LNPEP: variants seen among roughly 807,000 people sequenced by gnomAD.
LNPEP encodes leucyl-cystinyl aminopeptidase.
A neutral mutation model predicts 120.6 loss-of-function variants in LNPEP; 64 were observed. That is an observed-to-expected ratio of 0.53 (90% CI 0.43 to 0.65). The LOEUF (loss-of-function observed/expected upper bound fraction) is 0.65, where lower values mean the gene tolerates loss of function less well. LNPEP is among the 30% of genes least tolerant of loss of function. LNPEP has a pLI of 0.00. For synonymous variants in LNPEP, 435 were observed against 425.4 expected (o/e 1.02, Z -0.28); for missense variants, 1,057 against 1,200.0 (o/e 0.88, Z 1.76).
chr5:96,999,941 C>T (rs1363320265), intron 8 of LNPEP, among the ~76,000 whole-genome samples: 2 of 151,870 alleles, frequency 1.3e-5, no homozygotes, highest in Admixed American at 1.3e-4. Flanking sequence ...AAGCCTAATT[C>T]TGATGCAGGT....
At chr5:97,003,300 C>A in intron 8 of LNPEP, 115 bp from the exon 9 acceptor site, 1 of 602,506 alleles carries the variant, frequency 1.7e-6, no homozygotes, top group Admixed American at 3.3e-5. Flanking sequence ...TAACTAAGTT[C>A]TACATATGAA....
intron 6 of LNPEP, among the ~76,000 whole-genome samples, chr5:96,994,565 GGAGA>G (rs1354945520): frequency 1.3e-5 from 2 of 151,844 alleles, no homozygotes; most frequent in East Asian, 3.9e-4. Context: ...TGTATGACAT[GGAGA>G]GAAAGAAAGA....
At chr5:96,992,441 G>T (rs1790411166) in intron 4 of LNPEP, among the ~76,000 whole-genome samples, 1 of 152,170 alleles carries the variant, frequency 6.6e-6, no homozygotes, top group African/African-American at 2.4e-5. Context: ...TACTGGAAGA[G>T]AATATGTTGG....
At chr5:96,963,451 A>G (rs955179311) in intron 1 of LNPEP, among the ~76,000 whole-genome samples, 1 of 152,162 alleles carries the variant, frequency 6.6e-6, no homozygotes, top group Admixed American at 6.6e-5. Flanking sequence ...GGATGGTCTA[A>G]GATAGTTTCA....
At chr5:96,999,369 T>C (rs1367125192) in intron 8 of LNPEP, among the ~76,000 whole-genome samples, 2 of 152,128 alleles carry the variant, frequency 1.3e-5, no homozygotes, top group Non-Finnish European at 2.9e-5. Context: ...AAAGTATTAG[T>C]GACAGGGTAA....
At chr5:97,022,569 A>G in intron 14 of LNPEP, 85 bp downstream of exon 14, 1 of 1,104,846 alleles carries the variant, frequency 9.1e-7, no homozygotes, top group Non-Finnish European at 1.3e-6. Context: ...CTCATCCTGG[A>G]TCATAAATGT....
At position 97,014,998 on chromosome 5, in the gene LNPEP, A is replaced by G; in HGVS notation, c.2279A>G (p.Asn760Ser). ...TTGATTAATTATCTTGGAAATGAGA[A>G]CCATACTGCACCCATCACCGAAGCC... is the stretch of plus-strand genomic sequence containing the variant. ...FDLINYLGNENHTAPITEALF... is the reference protein window; with the variant it reads ...FDLINYLGNESHTAPITEALF... Residue 760 changes from asparagine to serine, a missense_variant, in exon 13 of 18, where the codon AAC becomes AGC. Transcript: ENST00000231368. 6.3e-7 allele frequency: 1 copy of G among 1,592,308 alleles called. No homozygotes were observed. The highest frequency in any genetic ancestry group is 8.6e-7 in the Non-Finnish European group (1 of 1,169,286).
chr5:97,024,174 C>A (rs879888999), intron 14 of LNPEP, among the ~76,000 whole-genome samples: 1 of 152,178 alleles, frequency 6.6e-6, no homozygotes. Flanking sequence ...TGAAACTTAT[C>A]ACACTGAATT....
intron 1 of LNPEP, among the ~76,000 whole-genome samples, chr5:96,965,654 T>C (rs1157742876): frequency 6.6e-6 from 1 of 152,186 alleles, no homozygotes; most frequent in Non-Finnish European, 1.5e-5. Flanking sequence ...TGAGAGCATA[T>C]GTGCTTGGAC....
chr5:96,979,698 G>A lies in LNPEP; in HGVS notation c.580G>A (p.Val194Met). 6.2e-7 allele frequency: 1 copy of A among 1,614,074 alleles called. No homozygotes were observed. Among genetic ancestry groups the A allele is most frequent in the African/African-American group, 1.3e-5 (1 of 75,036 alleles). ...NLTSMTFRGSVTISVQALQVT... is the reference protein window; with the variant it reads ...NLTSMTFRGSMTISVQALQVT... ...AACCTCGATGACATTCAGGGGTTCT[G>A]TGACAATTTCAGTTCAGGCTCTTCA... Residue 194 changes from valine to methionine, a missense_variant, in exon 2 of 18, where the codon GTG becomes ATG. Val to Met is a conservative substitution (Grantham distance 21). Coordinates refer to ENST00000231368, the MANE Select transcript of LNPEP (RefSeq NM_005575.3).
intron 1 of LNPEP, among the ~76,000 whole-genome samples, chr5:96,957,899 G>A (rs1343601775): frequency 6.6e-6 from 1 of 152,206 alleles, no homozygotes; most frequent in African/African-American, 2.4e-5. Context: ...ATGTAGCTCA[G>A]TGATTATTCT....
At chr5:96,973,901 T>C (rs1472423007) in intron 1 of LNPEP, among the ~76,000 whole-genome samples, 6 of 152,076 alleles carry the variant, frequency 3.9e-5, no homozygotes, top group Admixed American at 3.9e-4. Flanking sequence ...ATTGTATCCC[T>C]CAATTGATGA....
chr5:96,981,915 G>A (rs1165231866), intron 2 of LNPEP, among the ~76,000 whole-genome samples: 2 of 151,984 alleles, frequency 1.3e-5, no homozygotes, highest in African/African-American at 4.8e-5. Context: ...ATTCAAGACC[G>A]TTTTTGATCT....
At chr5:96,971,282 A>G (rs907244494) in intron 1 of LNPEP, among the ~76,000 whole-genome samples, 5 of 150,966 alleles carry the variant, frequency 3.3e-5, no homozygotes, top group South Asian at 4.2e-4. Context: ...GTTCTCTTAA[A>G]GGTTTTCTTT....
intron 1 of LNPEP, among the ~76,000 whole-genome samples, chr5:96,954,631 TACATATATAC>T (rs1223337790): frequency 3.0e-5 from 2 of 66,064 alleles, no homozygotes; most frequent in Non-Finnish European, 3.6e-5. Flanking sequence ...TATATATATA[TACATATATAC>T]ATATATACAT....
chr5:96,942,057 C>G (rs544310654), intron 1 of LNPEP, among the ~76,000 whole-genome samples: 1 of 152,214 alleles, frequency 6.6e-6, no homozygotes, highest in South Asian at 2.1e-4. Flanking sequence ...GCTCAGGGGA[C>G]AAATGAGTTA....
At chr5:97,019,727 G>A (rs377133754) in intron 13 of LNPEP, among the ~76,000 whole-genome samples, 1 of 151,606 alleles carries the variant, frequency 6.6e-6, no homozygotes, top group Non-Finnish European at 1.5e-5. Flanking sequence ...GTTCTTCACT[G>A]ATTTTTTTTT....
chr5:96,988,933 G>A (rs1047209578), intron 4 of LNPEP, among the ~76,000 whole-genome samples: 2 of 151,970 alleles, frequency 1.3e-5, no homozygotes, highest in African/African-American at 4.8e-5. Context: ...ATTTCTAATT[G>A]CCTCATTATG....
intron 4 of LNPEP, among the ~76,000 whole-genome samples, chr5:96,988,161 CT>C (rs923566252): frequency 1.3e-5 from 2 of 151,558 alleles, no homozygotes; most frequent in African/African-American, 4.9e-5. Context: ...CTCTCTCTTC[CT>C]TTTTCCCCCT....
Sources: allele counts gnomAD v4.1 joint callset (sites outside exome capture counted in the v4.1 genomes callset), GRCh38; gene constraint gnomAD v4.1.1; transcripts MANE v1.5; gene names NCBI Gene and HGNC (gene_info 2026-07-23, HGNC 2026-07-21).